DCDC1: variants seen among roughly 807,000 people sequenced by gnomAD.
DCDC1 encodes doublecortin domain-containing protein 1.
Under a neutral mutation model 178.3 loss-of-function variants are expected in DCDC1, and 200 were observed. The observed-to-expected ratio is 1.12, with a 90% CI of 1.00 to 1.26. The LOEUF (loss-of-function observed/expected upper bound fraction) is 1.26, where lower values mean the gene tolerates loss of function less well. Ranked by LOEUF, DCDC1 falls within the 50% of genes most tolerant of loss-of-function variation. DCDC1 has a pLI of 0.00. For synonymous variants in DCDC1, 690 were observed against 604.8 expected (o/e 1.14, Z -2.07); for missense variants, 1,983 against 1,749.2 (o/e 1.13, Z -2.38).
intron 2 of DCDC1, among the ~76,000 whole-genome samples, chr11:31,333,430 G>C (rs1265232126): frequency 6.6e-6 from 1 of 152,156 alleles, no homozygotes; most frequent in Non-Finnish European, 1.5e-5. Context: ...TATGATGTTA[G>C]CTGGTTACTT....
intron 21 of DCDC1, among the ~76,000 whole-genome samples, chr11:30,932,301 G>A (rs1946980904): frequency 6.6e-6 from 1 of 151,992 alleles, no homozygotes; most frequent in Admixed American, 6.6e-5. Context: ...TGACAAAAGT[G>A]GTTTTAAAAT....
chr11:31,183,535 C>T (rs1030026398), intron 9 of DCDC1, among the ~76,000 whole-genome samples: 1 of 152,056 alleles, frequency 6.6e-6, no homozygotes, highest in Non-Finnish European at 1.5e-5. Flanking sequence ...TTTAGAAAAC[C>T]CCATTGTTTC....
intron 17 of DCDC1, among the ~76,000 whole-genome samples, chr11:31,089,997 CGCATTG>C (rs965378356): frequency 2.0e-5 from 3 of 152,082 alleles, no homozygotes; most frequent in African/African-American, 7.2e-5. Context: ...TCCATAGTTT[CGCATTG>C]GCATTGGCAT....
At chr11:30,982,761 G>A (rs146922537) in intron 20 of DCDC1, among the ~76,000 whole-genome samples, 1 of 152,094 alleles carries the variant, frequency 6.6e-6, no homozygotes, top group Admixed American at 6.6e-5. Flanking sequence ...CGCCCCATCA[G>A]TGCTGACATT....
chr11:31,241,871 C>G (rs1977182349), intron 8 of DCDC1: 1 of 275,848 alleles, frequency 3.6e-6, no homozygotes, highest in African/African-American at 2.2e-5. Context: ...GCCTAACTAG[C>G]TGCACAGAGT....
intron 9 of DCDC1, among the ~76,000 whole-genome samples, chr11:31,147,645 G>A (rs1157174287): frequency 1.3e-5 from 2 of 152,160 alleles, no homozygotes; most frequent in South Asian, 2.1e-4. Context: ...ATAGATACTC[G>A]CTCAGATCTT....
chr11:30,950,916 C>G (rs190125595), intron 21 of DCDC1, among the ~76,000 whole-genome samples: 4 of 152,024 alleles, frequency 2.6e-5, no homozygotes, highest in Non-Finnish European at 5.9e-5. Context: ...ACTCTAATTA[C>G]TCTGATTTTA....
intron 7 of DCDC1, among the ~76,000 whole-genome samples, chr11:31,281,975 T>C (rs372698963): frequency 1.3e-5 from 2 of 152,190 alleles, no homozygotes; most frequent in Non-Finnish European, 2.9e-5. Flanking sequence ...TTGATCATGA[T>C]GTATTGTTGG....
intron 3 of DCDC1, among the ~76,000 whole-genome samples, chr11:31,312,152 A>G (rs1225445277): frequency 6.6e-6 from 1 of 152,096 alleles, no homozygotes; most frequent in Non-Finnish European, 1.5e-5. Flanking sequence ...TTACTTGCCC[A>G]ATTATAGGGA....
chr11:31,018,819 T>G (rs931267575), intron 20 of DCDC1, among the ~76,000 whole-genome samples: 6 of 151,986 alleles, frequency 3.9e-5, no homozygotes, highest in African/African-American at 1.4e-4. Context: ...ACAGAGGGGA[T>G]CAAAAAATGG....
At chr11:31,120,634 G>T (rs570883748) in intron 11 of DCDC1, among the ~76,000 whole-genome samples, 1 of 152,198 alleles carries the variant, frequency 6.6e-6, no homozygotes, top group East Asian at 1.9e-4. Flanking sequence ...GCAGCAAATA[G>T]AAAACAACTC....
At chr11:31,300,991 C>CA (rs2137534274) in intron 6 of DCDC1, among the ~76,000 whole-genome samples, 1 of 152,252 alleles carries the variant, frequency 6.6e-6, no homozygotes, top group South Asian at 2.1e-4. Context: ...TGACTAAGAA[C>CA]ACTTTTTTGG....
intron 8 of DCDC1, among the ~76,000 whole-genome samples, chr11:31,252,224 G>A (rs1012265569): frequency 6.6e-6 from 1 of 151,946 alleles, no homozygotes; most frequent in Non-Finnish European, 1.5e-5. Context: ...ACTTGGACAA[G>A]GTAAAGTTGG....
At chr11:31,303,079 A>T (rs574166718) in intron 6 of DCDC1, among the ~76,000 whole-genome samples, 1 of 152,206 alleles carries the variant, frequency 6.6e-6, no homozygotes, top group Non-Finnish European at 1.5e-5. Flanking sequence ...CACACATAGT[A>T]GGTACTCAAT....
chr11:31,305,353 CA>C (rs1189759803), intron 6 of DCDC1, among the ~76,000 whole-genome samples: 3 of 152,050 alleles, frequency 2.0e-5, no homozygotes, highest in African/African-American at 4.8e-5. Context: ...ATTATATTTT[CA>C]CCATTTAACC....
chr11:31,332,366 GTGTC>G (rs1950038677), intron 2 of DCDC1, among the ~76,000 whole-genome samples: 1 of 152,090 alleles, frequency 6.6e-6, no homozygotes, highest in African/African-American at 2.4e-5. Context: ...GGGATTTTGT[GTGTC>G]TATCTCCTTA....
At chr11:31,065,659 G>A (rs1327204185) in intron 18 of DCDC1, among the ~76,000 whole-genome samples, 1 of 152,122 alleles carries the variant, frequency 6.6e-6, no homozygotes, top group Non-Finnish European at 1.5e-5. Context: ...GAAAGGGCTA[G>A]AAAGACAAAA....
intron 20 of DCDC1, among the ~76,000 whole-genome samples, chr11:31,019,841 G>T (rs1480021549): frequency 6.6e-6 from 1 of 151,990 alleles, no homozygotes; most frequent in Non-Finnish European, 1.5e-5. Flanking sequence ...CAGGCTCTTT[G>T]CTAATCTCTC....
At chr11:31,216,287 A>T (rs1196630068) in intron 9 of DCDC1, among the ~76,000 whole-genome samples, 1 of 152,174 alleles carries the variant, frequency 6.6e-6, no homozygotes, top group Non-Finnish European at 1.5e-5. Context: ...ATACACAGAA[A>T]TTTCCTAATG....
Sources: allele counts gnomAD v4.1 joint callset (sites outside exome capture counted in the v4.1 genomes callset), GRCh38; gene constraint gnomAD v4.1.1; transcripts MANE v1.5; gene names NCBI Gene and HGNC (gene_info 2026-07-23, HGNC 2026-07-21).